MRPS22: variants seen among roughly 807,000 people sequenced by gnomAD.
The protein encoded by MRPS22 is small ribosomal subunit protein mS22.
A neutral mutation model predicts 44.0 loss-of-function variants in MRPS22; 30 were observed. The observed-to-expected ratio is 0.68, with a 90% CI of 0.51 to 0.93. The LOEUF (loss-of-function observed/expected upper bound fraction) is 0.93, where lower values mean the gene tolerates loss of function less well. Ranked by LOEUF, MRPS22 falls within the 40% of genes least tolerant of loss-of-function variation. The pLI is 0.00. For synonymous variants in MRPS22, 165 were observed against 154.4 expected, an observed-to-expected ratio of 1.07 and a Z score of -0.51; for missense variants, 447 against 447.8, an observed-to-expected ratio of 1.00 and a Z score of 0.02.
intron 5 of MRPS22, chr3:139,351,447 A>G (rs1257364632): frequency 3.0e-6 from 1 of 338,772 alleles, no homozygotes; most frequent in Non-Finnish European, 5.8e-6. Context: ...AGTACCTTCT[A>G]TGTGTAAGGT....
rs1211634177 is a variant in MRPS22 at position 139,351,226 on chromosome 3, CACA to C, written c.732+172_732+174del. 1.8e-5 allele frequency: 11 copies of C among 623,124 alleles called. No individual in the cohort carries two copies. In the East Asian group the frequency reaches 2.9e-4, roughly 16 times the overall value. 38.6% of individuals were successfully genotyped at this position (623,124 alleles called of 1,614,324 possible). On this transcript the variant is annotated intron_variant, in intron 5 of 7. Transcript: ENST00000680020. The stretch of plus-strand genomic sequence containing the variant: ...GTGTGCCAGATATATATTTTATAAT[CACA>C]ACAACCCTTGATTAAAGATGAGGGA...
chr3:139,344,117 C>T lies in MRPS22; in HGVS notation c.91C>T (p.Pro31Ser). The T allele has an allele frequency of 2.5e-6, 4 of 1,614,096 alleles. No homozygotes were observed. Among genetic ancestry groups the T allele is most frequent in the Non-Finnish European group, 3.4e-6 (4 of 1,180,014 alleles). Residue 31 changes from proline (P) to serine (S), a missense_variant, in exon 1 of 8, where the codon CCC (proline) becomes TCC (serine). Coordinates refer to ENST00000680020, the MANE Select transcript of MRPS22 (RefSeq NM_020191.4). ...GGTCTGTTTCCGGGCTCGAATCCAGCCCTGGCACGGTGGCCTGCTCCAACC... is the reference window on the plus strand; with the variant it reads ...GGTCTGTTTCCGGGCTCGAATCCAGTCCTGGCACGGTGGCCTGCTCCAACC... ...ERVCFRARIQ[P>S]WHGGLLQPLP...
intron 1 of MRPS22, chr3:139,344,813 T>A (rs1487308472): frequency 3.5e-6 from 2 of 578,912 alleles, no homozygotes; most frequent in Non-Finnish European, 6.1e-6. Flanking sequence ...TAGAGGGTTG[T>A]CCCATTTACA....
Position 139,355,792 on chromosome 3 carries a change from TA to T in MRPS22, c.987+5del. The T allele has an allele frequency of 6.2e-7, 1 of 1,611,518 alleles. No homozygotes were observed. The highest frequency in any genetic ancestry group is 8.5e-7 in the Non-Finnish European group (1 of 1,177,774). On this transcript the variant is annotated splice_donor_region_variant and intron_variant, in intron 7 of 7. Coordinates refer to ENST00000680020, the MANE Select transcript of MRPS22 (RefSeq NM_020191.4). ...GCTGAGGGAATAAATTTAATCAAGG[TA>T]AAGTTTTTTTTTCATATTGGTTGTT...
intron 1 of MRPS22, 129 bp downstream of exon 1, chr3:139,344,327 C>T (rs1940995659): frequency 9.9e-7 from 1 of 1,006,688 alleles, no homozygotes; most frequent in South Asian, 1.4e-5. Flanking sequence ...CAGCTGTCTT[C>T]CTTCTGTACC....
chr3:139,346,820 A>G (rs1224887233), intron 1 of MRPS22, 58 bp from the exon 2 acceptor site: 2 of 1,575,130 alleles, frequency 1.3e-6, no homozygotes, highest in Non-Finnish European at 1.7e-6. Flanking sequence ...TTTTCTATTT[A>G]GAGGTCTTGT....
intron 1 of MRPS22, chr3:139,344,517 C>G (rs1941001109): frequency 3.3e-6 from 2 of 609,028 alleles, no homozygotes; most frequent in Non-Finnish European, 5.9e-6. Context: ...GCAGTGTGAC[C>G]CGGGTTGTTA....
intron 6 of MRPS22, 134 bp downstream of exon 6, chr3:139,352,926 CTT>C: frequency 1.0e-6 from 1 of 976,032 alleles, no homozygotes; most frequent in Non-Finnish European, 1.5e-6. Flanking sequence ...TGGATTTGTT[CTT>C]TTAGTATAAC....
intron 6 of MRPS22, among the ~76,000 whole-genome samples, chr3:139,354,678 C>T (rs1170872745): frequency 2.6e-5 from 4 of 152,130 alleles, no homozygotes; most frequent in Admixed American, 6.5e-5. Context: ...TCTGTACTTA[C>T]TCCCACTGTC....
chr3:139,352,066 ACTT>A, intron 5 of MRPS22: 1 of 154,180 alleles, frequency 6.5e-6, no homozygotes, highest in Admixed American at 6.4e-5. Flanking sequence ...GTGAAAAAAT[ACTT>A]GATTTCTTTT....
Position 139,355,667 on chromosome 3 carries a change from C to A in MRPS22, c.879-15C>A, listed in dbSNP as rs373110370. ...AAGAAAACCCCTAGATAACATTAAA[C>A]CCTTTCATTCTCAGAATCGATGATG... On this transcript the variant is annotated splice_polypyrimidine_tract_variant and intron_variant, in intron 6 of 7. Transcript: ENST00000680020. The A allele has an allele frequency of 4.9e-5, 78 of 1,601,274 alleles. No individual in the cohort carries two copies. Among genetic ancestry groups the A allele is most frequent in the Non-Finnish European group, 6.6e-5 (77 of 1,168,482 alleles).
At chr3:139,348,982 G>A (rs1941096280) in intron 3 of MRPS22, 1 of 188,280 alleles carries the variant, frequency 5.3e-6, no homozygotes, top group Non-Finnish European at 1.1e-5. Context: ...TCAGCCCACA[G>A]AATACGTTAG....
At chr3:139,350,378 AC>A in intron 4 of MRPS22, 56 bp downstream of exon 4, 1 of 1,594,016 alleles carries the variant, frequency 6.3e-7, no homozygotes, top group African/African-American at 1.3e-5. Context: ...TATTTGTAGA[AC>A]CAGTTGGCTT....
intron 1 of MRPS22, 122 bp downstream of exon 1, chr3:139,344,320 C>A: frequency 9.1e-7 from 1 of 1,093,068 alleles, no homozygotes; most frequent in Non-Finnish European, 1.3e-6. Flanking sequence ...TCAGATTCAG[C>A]TGTCTTCCTT....
intron 4 of MRPS22, chr3:139,350,535 C>T: frequency 1.8e-6 from 1 of 541,374 alleles, no homozygotes; most frequent in South Asian, 2.0e-5. Flanking sequence ...TCAAGTGATT[C>T]TTCTGCCTCA....
At position 139,349,201 on chromosome 3, in the gene MRPS22, GT is replaced by G. The variant is rs1451648253; in HGVS notation, c.504+879del. On this transcript the variant is annotated intron_variant, in intron 3 of 7. Coordinates refer to ENST00000680020, the MANE Select transcript of MRPS22 (RefSeq NM_020191.4). The stretch of plus-strand genomic sequence containing the variant: ...TATGTTTGCAGTGCTGTGCATGTTG[GT>G]TGGGAAGCATTTTGTAACTTGAAAA... 1.7e-5 allele frequency: 7 copies of G among 407,240 alleles called. No homozygotes were observed. In the Admixed American group the frequency reaches 1.9e-4, roughly 11 times the overall value. The allele number at this position is 407,240 out of a possible 1,614,324, so 25.2% of individuals were successfully genotyped here. A position where few individuals can be genotyped will look rare whatever the true frequency, so the allele number is the denominator to read the frequency against.
rs772217441 is a variant in MRPS22, at chr3:139,344,190, C to T, written c.164C>T (p.Ser55Phe). Residue 55 changes from serine (S) to phenylalanine (F), a missense_variant, in exon 1 of 8, where the codon TCC becomes TTC. Physicochemically the swap from Ser to Phe is radical, Grantham distance 155. Transcript: ENST00000680020. ...EMGLPRRRFS[S>F]EAAESGSPET... Reference sequence around the variant, plus strand: ...GGGCTGCCACGCCGCCGGTTCAGCTCCGAGGCCGGTAAGTGACCTTCCGGA... The same window carrying T: ...GGGCTGCCACGCCGCCGGTTCAGCTTCGAGGCCGGTAAGTGACCTTCCGGA... The T allele has an allele frequency of 6.8e-6, 11 of 1,608,670 alleles. No individual in the cohort carries two copies. The highest frequency in any genetic ancestry group is 1.3e-5 in the African/African-American group (1 of 74,864).
Position 139,351,001 on chromosome 3 carries a change from G to C in MRPS22, c.673G>C (p.Val225Leu), listed in dbSNP as rs1437787053. The part of the protein sequence containing the change: ...LRTMYSQDRH[V>L]DVLNLCFAQF... The stretch of plus-strand genomic sequence containing the variant: ...GACTATGTATAGCCAGGACAGGCAT[G>C]TTGATGTCCTCAATCTCTGCTTTGC... The change falls in exon 5 of 8, where the codon GTT (valine) becomes CTT (leucine). Residue 225 changes from valine (V) to leucine (L), a missense_variant. Coordinates refer to ENST00000680020, the MANE Select transcript of MRPS22 (RefSeq NM_020191.4). The C allele has an allele frequency of 6.2e-7, 1 of 1,614,100 alleles. No homozygotes were observed. The highest frequency in any genetic ancestry group is 2.2e-5 in the East Asian group (1 of 44,878).
chr3:139,351,393 C>T (rs1297251827), intron 5 of MRPS22: 7 of 361,688 alleles, frequency 1.9e-5, no homozygotes, highest in African/African-American at 1.3e-4. Flanking sequence ...TAAAATTTTG[C>T]TGAAGTACAG....
Sources: allele counts gnomAD v4.1 joint callset (sites outside exome capture counted in the v4.1 genomes callset), GRCh38; gene constraint gnomAD v4.1.1; transcripts MANE v1.5; gene names NCBI Gene and HGNC (gene_info 2026-07-23, HGNC 2026-07-21).